SRGAP3: variants seen among roughly 807,000 people sequenced by gnomAD.
SRGAP3 encodes SLIT-ROBO Rho GTPase-activating protein 3.
A neutral mutation model predicts 121.1 loss-of-function variants in SRGAP3; 39 were observed. That is an observed-to-expected ratio of 0.32 (90% CI 0.25 to 0.42). The LOEUF (loss-of-function observed/expected upper bound fraction) is 0.42. SRGAP3 is among the 10% of genes least tolerant of loss of function. The pLI, the probability that SRGAP3 is intolerant of heterozygous loss-of-function variation, is 1.00. For synonymous variants in SRGAP3, 601 were observed against 570.0 expected (o/e 1.05, Z -0.77); for missense variants, 1,213 against 1,470.6 (o/e 0.82, Z 2.86).
intron 1 of SRGAP3, among the ~76,000 whole-genome samples, chr3:9,170,879 G>A (rs1950954451): frequency 1.3e-5 from 2 of 152,222 alleles, no homozygotes; most frequent in Admixed American, 1.3e-4. Flanking sequence ...AGCGCTGGGG[G>A]AGCCATGAAG....
chr3:9,008,803 A>G (rs1449956657), intron 18 of SRGAP3, among the ~76,000 whole-genome samples: 1 of 152,094 alleles, frequency 6.6e-6, no homozygotes, highest in African/African-American at 2.4e-5. Context: ...CTCTCAGGCC[A>G]TGGGGACTGG....
intron 18 of SRGAP3, among the ~76,000 whole-genome samples, chr3:9,001,988 C>G (rs1176620380): frequency 6.6e-6 from 1 of 152,084 alleles, no homozygotes; most frequent in African/African-American, 2.4e-5. Context: ...ACCCCATTCT[C>G]AATAACGGAA....
At chr3:9,253,348 A>G (rs11711119), upstream of SRGAP3, among the ~76,000 whole-genome samples, 757 of 152,354 alleles carry the variant, frequency 5.0e-3, 4 homozygotes, top group Middle Eastern at 0.037. Context: ...AGTTCAACGT[A>G]AAGTTTTCCA....
intron 1 of SRGAP3, among the ~76,000 whole-genome samples, chr3:9,187,824 C>T (rs1951645213): frequency 6.6e-6 from 1 of 152,236 alleles, no homozygotes; most frequent in African/African-American, 2.4e-5. Context: ...TACGACGTGA[C>T]TTATACCCGT....
chr3:9,360,921 C>T (rs2030763444), intron 1 of SRGAP3, among the ~76,000 whole-genome samples: 1 of 152,128 alleles, frequency 6.6e-6, no homozygotes. Context: ...CTCCATTGCC[C>T]CACATACTCA....
intron 3 of SRGAP3, among the ~76,000 whole-genome samples, chr3:9,257,698 CTTTTTTTT>C (rs386395913): frequency 1.4e-5 from 1 of 73,202 alleles, no homozygotes; most frequent in African/African-American, 5.1e-5. Context: ...AAAATAGCTC[CTTTTTTTT>C]TTTTTTTTTT....
chr3:9,214,976 G>C (rs1328000833), intron 1 of SRGAP3, among the ~76,000 whole-genome samples: 1 of 143,530 alleles, frequency 7.0e-6, no homozygotes, highest in Admixed American at 7.6e-5. Context: ...TGAGAGTCCA[G>C]TATTCCTGGG....
In SRGAP3 at chr3:9,248,987, G is replaced by C; in HGVS notation, c.-36C>G. 2 of 1,601,366 alleles carry C rather than the reference G, an allele frequency of 1.2e-6. No homozygotes were observed. Among genetic ancestry groups the C allele is most frequent in the Non-Finnish European group, 1.7e-6 (2 of 1,168,446 alleles). On this transcript the variant is annotated 5_prime_UTR_variant, in exon 1 of 22. The change creates a new upstream start codon in the 5' untranslated region. Coordinates refer to ENST00000383836, the MANE Select transcript of SRGAP3 (RefSeq NM_014850.4). Reference sequence around the variant, plus strand: ...GGCCAAAGGAACTGACAGGCTGTTTGATTTATTTCTCCTTTTCTTTTCGAG... The same window carrying C: ...GGCCAAAGGAACTGACAGGCTGTTTCATTTATTTCTCCTTTTCTTTTCGAG...
At chr3:9,134,188 T>C (rs1411318028) in intron 1 of SRGAP3, among the ~76,000 whole-genome samples, 1 of 151,968 alleles carries the variant, frequency 6.6e-6, no homozygotes, top group African/African-American at 2.4e-5. Flanking sequence ...GGGGCCAGAG[T>C]ATGACAGCAA....
chr3:9,012,626 A>G (rs1943431983), intron 17 of SRGAP3, among the ~76,000 whole-genome samples: 1 of 152,204 alleles, frequency 6.6e-6, no homozygotes, highest in South Asian at 2.1e-4. Flanking sequence ...TCTGGAAAAG[A>G]GAACTCCTAG....
intron 3 of SRGAP3, among the ~76,000 whole-genome samples, chr3:9,291,751 C>T (rs1302363123): frequency 1.3e-5 from 2 of 151,984 alleles, no homozygotes; most frequent in Non-Finnish European, 1.5e-5. Flanking sequence ...TTCTTTAAAT[C>T]GAATCAGATT....
At chr3:9,030,331 C>G (rs1450224296) in intron 12 of SRGAP3, among the ~76,000 whole-genome samples, 1 of 152,216 alleles carries the variant, frequency 6.6e-6, no homozygotes, top group Non-Finnish European at 1.5e-5. Flanking sequence ...TGCTGGGGTG[C>G]TCTTTTCAGA....
intron 1 of SRGAP3, among the ~76,000 whole-genome samples, chr3:9,341,914 G>A (rs988606156): frequency 4.6e-5 from 7 of 152,102 alleles, no homozygotes; most frequent in Admixed American, 1.3e-4. Flanking sequence ...TTGTGCTACC[G>A]GCGTTCTCCT....
chr3:9,266,255 G>A (rs76769263), intron 3 of SRGAP3, among the ~76,000 whole-genome samples: 2 of 152,106 alleles, frequency 1.3e-5, no homozygotes, highest in African/African-American at 4.8e-5. Context: ...ATAGCATTAG[G>A]AGAAATACCT....
intron 1 of SRGAP3, among the ~76,000 whole-genome samples, chr3:9,361,004 T>A (rs1476549194): frequency 6.6e-6 from 1 of 152,246 alleles, no homozygotes; most frequent in Non-Finnish European, 1.5e-5. Flanking sequence ...TGTGATTAAT[T>A]TGCAATTCCC....
At chr3:9,296,078 T>C (rs745633021) in intron 3 of SRGAP3, among the ~76,000 whole-genome samples, 3 of 152,258 alleles carry the variant, frequency 2.0e-5, no homozygotes, top group East Asian at 3.8e-4. Context: ...TTTTGGTTAT[T>C]GCAAAGAATG....
intron 3 of SRGAP3, among the ~76,000 whole-genome samples, chr3:9,304,454 A>G (rs544544707): frequency 6.6e-6 from 1 of 152,338 alleles, no homozygotes; most frequent in African/African-American, 2.4e-5. Flanking sequence ...TGGAACTAGT[A>G]GGTCTTAGAC....
At chr3:9,137,767 C>G (rs1949717989) in intron 1 of SRGAP3, among the ~76,000 whole-genome samples, 1 of 152,178 alleles carries the variant, frequency 6.6e-6, no homozygotes. Flanking sequence ...AGGGTTTTCC[C>G]ATAGCATCTG....
Position 9,322,321 on chromosome 3 carries a change from G to A in SRGAP3, n.442+3689C>T, listed in dbSNP as rs577228969. Among the ~76,000 whole-genome samples the A allele has an allele frequency of 1.5e-4, 23 of 151,954 alleles. No homozygotes were observed. The South Asian group carries it at 2.9e-3, about 19-fold the overall frequency. On this transcript the variant is annotated intron_variant and non_coding_transcript_variant, in intron 3 of 3. Coordinates refer to the SRGAP3 transcript ENST00000490889. ...AAGGTGGATTGGACTTTCCAAGTGC[G>A]TTAAGTGGCAGCACACAAGGCCTTC...
Sources: gnomAD v4.1 joint callset for allele counts (sites outside exome capture counted in the v4.1 genomes callset) on GRCh38, gnomAD v4.1.1 for gene constraint, MANE v1.5 for transcripts, NCBI Gene and HGNC (gene_info 2026-07-23, HGNC 2026-07-21) for gene names.